CDC42SE2: variants seen among roughly 807,000 people sequenced by gnomAD.
The protein encoded by CDC42SE2 is CDC42 small effector protein 2.
Under a neutral mutation model 11.5 loss-of-function variants are expected in CDC42SE2, and 3 were observed. The observed-to-expected ratio is 0.26, with a 90% CI of 0.12 to 0.67. The LOEUF (loss-of-function observed/expected upper bound fraction) is 0.67, where lower values mean the gene tolerates loss of function less well. CDC42SE2 is among the 30% of genes least tolerant of loss of function. The pLI is 0.80. For missense variants in CDC42SE2, 82 were observed against 106.8 expected, an observed-to-expected ratio of 0.77 and a Z score of 1.02; for synonymous variants, 33 against 34.8, an observed-to-expected ratio of 0.95 and a Z score of 0.18.
In CDC42SE2 at chr5:131,392,333, GATATCT is replaced by G. The variant is rs1468692065; in HGVS notation, c.*1243_*1248del. ...GTTTGTTTGAAACTTCAGCAGAATA[GATATCT>G]GCATGCTTTATGAAGTTGTTGCTTC... On this transcript the variant is annotated 3_prime_UTR_variant, in exon 5 of 5. Transcript: ENST00000505065. 2 of 152,706 alleles carry G rather than the reference GATATCT, an allele frequency of 1.3e-5. No homozygotes were observed. The highest frequency in any genetic ancestry group is 4.8e-5 in the African/African-American group (2 of 41,418). The allele number at this position is 152,706 out of a possible 1,614,324, so 9.5% of individuals were successfully genotyped here.
chr5:131,348,427 C>T (rs1319943046), intron 2 of CDC42SE2, among the ~76,000 whole-genome samples: 1 of 152,168 alleles, frequency 6.6e-6, no homozygotes, highest in African/African-American at 2.4e-5. Flanking sequence ...AGGAATCCAA[C>T]TTACAAGGAA....
chr5:131,347,309 A>G (rs1310905396), intron 2 of CDC42SE2, among the ~76,000 whole-genome samples: 1 of 152,200 alleles, frequency 6.6e-6, no homozygotes, highest in Non-Finnish European at 1.5e-5. Flanking sequence ...AAAAATGATA[A>G]AGGGGATCTC....
upstream of CDC42SE2, among the ~76,000 whole-genome samples, chr5:131,241,550 T>G (rs1311126152): frequency 2.0e-5 from 3 of 152,160 alleles, no homozygotes; most frequent in Admixed American, 2.0e-4. Context: ...CAATTGCCCT[T>G]TTACTCTTAA....
At chr5:131,382,670 T>G (rs536267524) in intron 3 of CDC42SE2, among the ~76,000 whole-genome samples, 10 of 152,302 alleles carry the variant, frequency 6.6e-5, no homozygotes, top group African/African-American at 2.2e-4. Context: ...TATCTTGACA[T>G]GTTTACTGCA....
At chr5:131,286,610 C>G (rs1300470657) in intron 1 of CDC42SE2, among the ~76,000 whole-genome samples, 2 of 151,822 alleles carry the variant, frequency 1.3e-5, no homozygotes, top group East Asian at 3.8e-4. Flanking sequence ...TTTCTTTAGC[C>G]TCTGCCACCC....
In CDC42SE2 at chr5:131,392,773, A is replaced by ATGT. The variant is rs918067268; in HGVS notation, c.*1684_*1686dup. Reference sequence around the variant, plus strand: ...ATTCTTTTATTTTTACTTCTTTTTAATGTTATGGTATCCAGTTGTTTCCAG... The same window carrying ATGT: ...ATTCTTTTATTTTTACTTCTTTTTAATGTTGTTATGGTATCCAGTTGTTTCCAG... On this transcript the variant is annotated 3_prime_UTR_variant, in exon 5 of 5. Coordinates refer to ENST00000505065, the MANE Select transcript of CDC42SE2 (RefSeq NM_001375635.1). 7.2e-5 allele frequency: 11 copies of ATGT among 152,102 alleles called. No homozygotes were observed. The highest frequency in any genetic ancestry group is 1.0e-4 in the Non-Finnish European group (7 of 68,012). 9.4% of individuals were successfully genotyped at this position (152,102 alleles called of 1,614,324 possible).
chr5:131,291,168 T>G lies in CDC42SE2; in HGVS notation c.-454-24808T>G, dbSNP rs1441518714. On this transcript the variant is annotated intron_variant, in intron 1 of 4. Coordinates refer to ENST00000505065, the MANE Select transcript of CDC42SE2 (RefSeq NM_001375635.1). ...GTTAGCCATGTCAAATTGTCATATC[T>G]TAATCACTTATAAAATGTTTATATA... 7.2e-5 allele frequency among the ~76,000 whole-genome samples: 11 copies of G among 152,334 alleles called. No homozygotes were observed. In the East Asian group the frequency reaches 1.9e-3, roughly 27 times the overall value.
intron 2 of CDC42SE2, among the ~76,000 whole-genome samples, chr5:131,343,288 G>A (rs969312994): frequency 2.6e-5 from 4 of 152,174 alleles, no homozygotes; most frequent in Non-Finnish European, 5.9e-5. Flanking sequence ...AGACTCAAGA[G>A]AGAAGTCAGA....
At chr5:131,332,518 T>C (rs966661460) in intron 2 of CDC42SE2, among the ~76,000 whole-genome samples, 2 of 152,080 alleles carry the variant, frequency 1.3e-5, no homozygotes, top group Non-Finnish European at 2.9e-5. Context: ...GTATTTCTAG[T>C]TCTAGATCCC....
chr5:131,366,588 C>G (rs1349611177), intron 3 of CDC42SE2, among the ~76,000 whole-genome samples: 1 of 151,754 alleles, frequency 6.6e-6, no homozygotes, highest in Non-Finnish European at 1.5e-5. Context: ...TTACTACATA[C>G]CTCAAGATGA....
chr5:131,243,860 G>A (rs570897714), upstream of CDC42SE2, among the ~76,000 whole-genome samples: 4 of 152,304 alleles, frequency 2.6e-5, no homozygotes, highest in East Asian at 7.7e-4. Context: ...GCTCATATCT[G>A]CAGTTTATAC....
rs776329155 is a variant in CDC42SE2 at position 131,314,107 on chromosome 5, ACAT to A, written c.-454-1865_-454-1863del. On this transcript the variant is annotated intron_variant, in intron 1 of 4. Coordinates refer to ENST00000505065, the MANE Select transcript of CDC42SE2 (RefSeq NM_001375635.1). ...CAAATTGGGGAGAATTGACATGTTAACATCATTGACTTCATTGATCTATGAACA... is the reference window on the plus strand; with the variant it reads ...CAAATTGGGGAGAATTGACATGTTAACATTGACTTCATTGATCTATGAACA... 1.4e-3 allele frequency among the ~76,000 whole-genome samples: 219 copies of A among 152,310 alleles called. 1 individual carries two copies. The highest frequency in any genetic ancestry group is 3.4e-3 in the Middle Eastern group (1 of 294).
intron 1 of CDC42SE2, among the ~76,000 whole-genome samples, chr5:131,272,039 C>T (rs1053630972): frequency 6.6e-6 from 1 of 152,060 alleles, no homozygotes; most frequent in Non-Finnish European, 1.5e-5. Context: ...GAGATGGAGT[C>T]TCACTGTGTC....
At chr5:131,288,766 A>C (rs967246990) in intron 1 of CDC42SE2, among the ~76,000 whole-genome samples, 5 of 152,180 alleles carry the variant, frequency 3.3e-5, no homozygotes, top group African/African-American at 1.2e-4. Context: ...ACTGCTTTAG[A>C]GATACCTACT....
the CDC42SE2 span, among the ~76,000 whole-genome samples, chr5:131,234,958 G>A: frequency 6.8e-6 from 1 of 146,560 alleles, no homozygotes; most frequent in East Asian, 2.0e-4. Context: ...GCACGATCTC[G>A]ACTCACTGCA....
intron 1 of CDC42SE2, among the ~76,000 whole-genome samples, chr5:131,310,519 A>G (rs1757881402): frequency 4.0e-5 from 6 of 151,604 alleles, no homozygotes; most frequent in Admixed American, 3.3e-4. Context: ...TTTCTGTCTC[A>G]TTGATCTGTC....
rs1756625689 is a variant in CDC42SE2, at chr5:131,249,770, G to A, written n.107+4171G>A. Among the ~76,000 whole-genome samples, 3 of 152,094 alleles carry A rather than the reference G, an allele frequency of 2.0e-5. No individual in the cohort carries two copies. The South Asian group carries it at 6.2e-4, about 31-fold the overall frequency. On this transcript the variant is annotated intron_variant and non_coding_transcript_variant, in intron 1 of 3. Coordinates refer to the CDC42SE2 transcript ENST00000502840. ...TGGTGGTGCATGCCTGTAGTCCTAG[G>A]TACTCAGGAGGCTGAGGCGGGAGGA...
intron 1 of CDC42SE2, among the ~76,000 whole-genome samples, chr5:131,295,703 G>C (rs937971991): frequency 6.8e-6 from 1 of 147,196 alleles, no homozygotes; most frequent in Non-Finnish European, 1.5e-5. Flanking sequence ...TTTTTTTTGA[G>C]ACAGAGTCTT....
chr5:131,328,082 G>T (rs1758335706), intron 2 of CDC42SE2, among the ~76,000 whole-genome samples: 1 of 152,130 alleles, frequency 6.6e-6, no homozygotes, highest in East Asian at 1.9e-4. Flanking sequence ...CCATTGAAAT[G>T]GGGCACATAG....
Sources: gnomAD v4.1 joint callset for allele counts (sites outside exome capture counted in the v4.1 genomes callset) on GRCh38, gnomAD v4.1.1 for gene constraint, MANE v1.5 for transcripts, NCBI Gene and HGNC (gene_info 2026-07-23, HGNC 2026-07-21) for gene names.